GRM8: variants seen among roughly 807,000 people sequenced by gnomAD.
GRM8 encodes metabotropic glutamate receptor 8.
Under a neutral mutation model 87.2 loss-of-function variants are expected in GRM8, and 47 were observed. The ratio of observed to expected loss-of-function variants is 0.54; its 90% CI spans 0.43 to 0.69. GRM8 has a LOEUF of 0.69. Ranked by LOEUF, GRM8 falls within the 30% of genes least tolerant of loss-of-function variation. The pLI, the probability that GRM8 is intolerant of heterozygous loss-of-function variation, is 0.00. For missense variants in GRM8, 1,019 were observed against 1,139.2 expected (o/e 0.89, Z 1.52); for synonymous variants, 396 against 404.5 (o/e 0.98, Z 0.25).
At chr7:126,651,807 T>C (rs967305326) in intron 7 of GRM8, among the ~76,000 whole-genome samples, 2 of 152,000 alleles carry the variant, frequency 1.3e-5, no homozygotes, top group African/African-American at 4.8e-5. Context: ...TGGAATACAG[T>C]AGATCAATTG....
At chr7:127,126,436 A>G (rs537563870) in intron 2 of GRM8, among the ~76,000 whole-genome samples, 7 of 151,962 alleles carry the variant, frequency 4.6e-5, no homozygotes, top group Non-Finnish European at 8.8e-5. Context: ...ATGTGTACAC[A>G]CAGAGTATAG....
intron 8 of GRM8, among the ~76,000 whole-genome samples, chr7:126,564,884 A>T (rs548886054): frequency 6.6e-6 from 1 of 152,368 alleles, no homozygotes; most frequent in East Asian, 1.9e-4. Flanking sequence ...CACCATGGCC[A>T]ATTGGGATTT....
At chr7:126,713,634 C>T (rs1811373211) in intron 7 of GRM8, among the ~76,000 whole-genome samples, 1 of 150,988 alleles carries the variant, frequency 6.6e-6, no homozygotes, top group Admixed American at 6.6e-5. Flanking sequence ...AAAGGTATGC[C>T]TGTATGTGAA....
At chr7:126,502,233 C>G (rs1809752280) in intron 9 of GRM8, among the ~76,000 whole-genome samples, 2 of 152,022 alleles carry the variant, frequency 1.3e-5, no homozygotes, top group Non-Finnish European at 1.5e-5. Context: ...AAACAGCTAC[C>G]TGTCCTTTAA....
intron 6 of GRM8, among the ~76,000 whole-genome samples, chr7:126,827,768 G>C (rs1355342392): frequency 6.6e-6 from 1 of 152,206 alleles, no homozygotes; most frequent in Non-Finnish European, 1.5e-5. Flanking sequence ...AGTGGTGAGA[G>C]AGGGCATCCC....
At chr7:127,159,544 A>C (rs1483338694) in intron 2 of GRM8, among the ~76,000 whole-genome samples, 2 of 151,182 alleles carry the variant, frequency 1.3e-5, no homozygotes, top group Admixed American at 1.3e-4. Flanking sequence ...AATACATGGC[A>C]ATAAAAAGCC....
intron 7 of GRM8, among the ~76,000 whole-genome samples, chr7:126,665,618 G>A (rs1275792265): frequency 6.6e-6 from 1 of 151,570 alleles, no homozygotes; most frequent in Non-Finnish European, 1.5e-5. Flanking sequence ...AAAGAAGGAG[G>A]GCGGAAGACG....
chr7:127,106,170 GAACA>G lies in GRM8; in HGVS notation c.727+322_727+325del, dbSNP rs1455476966. On this transcript the variant is annotated intron_variant, in intron 3 of 10. Coordinates refer to ENST00000339582, the MANE Select transcript of GRM8 (RefSeq NM_000845.3). ...ACTTGCTAATGTAAACTTCCATCTA[GAACA>G]ATCAAATAGTATGTCATTTATTCAA... Among the ~76,000 whole-genome samples the G allele has an allele frequency of 5.9e-5, 9 of 152,150 alleles. No homozygotes were observed. The East Asian group carries it at 1.5e-3, about 26-fold the overall frequency.
chr7:126,835,783 T>G (rs2130502037), intron 6 of GRM8, among the ~76,000 whole-genome samples: 1 of 152,340 alleles, frequency 6.6e-6, no homozygotes, highest in Admixed American at 6.5e-5. Flanking sequence ...TCTCAAAAAC[T>G]TTAGAAAATT....
intron 6 of GRM8, among the ~76,000 whole-genome samples, chr7:126,846,836 C>T (rs1407713235): frequency 6.6e-6 from 1 of 152,102 alleles, no homozygotes; most frequent in Non-Finnish European, 1.5e-5. Context: ...ATTGAGTTCA[C>T]TCTCTCATGT....
chr7:127,201,960 A>T (rs1183526007), intron 2 of GRM8, among the ~76,000 whole-genome samples: 1 of 152,200 alleles, frequency 6.6e-6, no homozygotes, highest in Non-Finnish European at 1.5e-5. Flanking sequence ...CCACCTATGA[A>T]CCATTGGAGA....
chr7:126,601,049 T>C (rs1199174950), intron 8 of GRM8, among the ~76,000 whole-genome samples: 1 of 151,506 alleles, frequency 6.6e-6, no homozygotes, highest in South Asian at 2.1e-4. Flanking sequence ...TCATCTAGCA[T>C]TAGGTATATC....
chr7:127,202,367 A>G (rs1359018085), intron 2 of GRM8, among the ~76,000 whole-genome samples: 2 of 152,090 alleles, frequency 1.3e-5, no homozygotes, highest in African/African-American at 2.4e-5. Flanking sequence ...TAGTAGAAAC[A>G]GGGTTTTGCC....
chr7:126,599,818 C>G (rs958644209), intron 8 of GRM8, among the ~76,000 whole-genome samples: 1 of 152,092 alleles, frequency 6.6e-6, no homozygotes, highest in South Asian at 2.1e-4. Flanking sequence ...AGAGACATAT[C>G]CTTGGATGCT....
chr7:127,008,699 T>C lies in GRM8; in HGVS notation c.727+97797A>G, dbSNP rs537784254. Among the ~76,000 whole-genome samples, 14 of 152,166 alleles carry C rather than the reference T, an allele frequency of 9.2e-5. No individual in the cohort carries two copies. In the East Asian group the frequency reaches 2.7e-3, roughly 29 times the overall value. ...AAGTCAATTAGTAGTACAAAAACAA[T>C]ATTCAAAAGTTCCATGGCCATTTTA... On this transcript the variant is annotated intron_variant, in intron 3 of 10. Coordinates refer to ENST00000339582, the MANE Select transcript of GRM8 (RefSeq NM_000845.3).
chr7:127,139,295 GTTC>G (rs1416392747), intron 2 of GRM8, among the ~76,000 whole-genome samples: 11 of 152,084 alleles, frequency 7.2e-5, no homozygotes, highest in Non-Finnish European at 5.9e-5. Context: ...AGGGCCTCAT[GTTC>G]TTCTTACCAC....
chr7:126,851,168 C>A (rs766288170), intron 6 of GRM8, among the ~76,000 whole-genome samples: 2 of 152,082 alleles, frequency 1.3e-5, no homozygotes, highest in Non-Finnish European at 2.9e-5. Flanking sequence ...TTTCTTGACT[C>A]GTATATACTT....
intron 6 of GRM8, among the ~76,000 whole-genome samples, chr7:126,891,743 C>T (rs1240374466): frequency 2.0e-5 from 3 of 152,072 alleles, no homozygotes; most frequent in Admixed American, 2.0e-4. Flanking sequence ...TCGCTTAACA[C>T]ATTGCATTGC....
At chr7:126,555,809 C>T (rs1793076934) in intron 8 of GRM8, among the ~76,000 whole-genome samples, 2 of 152,184 alleles carry the variant, frequency 1.3e-5, no homozygotes, top group Admixed American at 6.5e-5. Flanking sequence ...AATACAAATG[C>T]TCTCAGATTG....
Sources: allele counts gnomAD v4.1 joint callset (sites outside exome capture counted in the v4.1 genomes callset), GRCh38; gene constraint gnomAD v4.1.1; transcripts MANE v1.5; gene names NCBI Gene and HGNC (gene_info 2026-07-23, HGNC 2026-07-21).